The following FAAH2 variants were observed in gnomAD, a reference collection of about 807,000 sequenced individuals.
FAAH2 encodes fatty-acid amide hydrolase 2.
In FAAH2, 60 loss-of-function variants were observed where a neutral mutation model predicts 36.9. The observed-to-expected ratio is 1.63, with a 90% CI of 1.32 to 2.02. The LOEUF (loss-of-function observed/expected upper bound fraction) is 2.02, where lower values mean the gene tolerates loss of function less well. Among genes scored for constraint, FAAH2 ranks in the 30% most tolerant of loss-of-function variants. The probability of loss-of-function intolerance (pLI) is 0.00; values close to 1 mark genes in which losing one functional copy is unlikely to be tolerated. For synonymous variants in FAAH2, 214 were observed against 143.8 expected (o/e 1.49, Z -3.49); for missense variants, 689 against 397.5 (o/e 1.73, Z -6.23).
At chrX:57,352,268 G>A (rs2054044129) in intron 5 of FAAH2, among the ~76,000 whole-genome samples, 1 of 103,395 alleles carries the variant, frequency 9.7e-6, no homozygotes, top group African/African-American at 3.5e-5. Flanking sequence ...CACATACTAT[G>A]ATTAAGTGGG....
chrX:57,378,748 C>A lies in FAAH2; in HGVS notation c.840C>A (p.Ala280=). The part of the protein sequence containing the change: ...GPMCRYAEDL[A]PMLKVMAGPG... Reference sequence around the variant, plus strand: ...TGTGCCGTTATGCTGAAGACCTGGCCCCCATGTTGAAGGTCATGGCAGGAC... The same window carrying A: ...TGTGCCGTTATGCTGAAGACCTGGCACCCATGTTGAAGGTCATGGCAGGAC... The change falls in exon 6 of 11, where the codon GCC becomes GCA. Residue 280 remains alanine, a synonymous_variant. Coordinates refer to ENST00000374900, the MANE Select transcript of FAAH2 (RefSeq NM_174912.4). The A allele has an allele frequency of 8.3e-7, 1 of 1,210,260 alleles. No individual in the cohort carries two copies. Among genetic ancestry groups the A allele is most frequent in the Non-Finnish European group, 1.1e-6 (1 of 894,821 alleles).
chrX:57,158,726 T>C, the FAAH2 span, among the ~76,000 whole-genome samples: 2 of 112,156 alleles, frequency 1.8e-5, no homozygotes, highest in Non-Finnish European at 3.8e-5. Flanking sequence ...TTGAGTTCAT[T>C]GTAGATTCTG....
chrX:57,317,422 G>A (rs1401957781), intron 3 of FAAH2, among the ~76,000 whole-genome samples: 2 of 111,730 alleles, frequency 1.8e-5, no homozygotes, highest in South Asian at 3.7e-4. Flanking sequence ...GACAAAGAAG[G>A]GCATTACATA....
chrX:57,361,944 C>A (rs973200028), intron 5 of FAAH2, among the ~76,000 whole-genome samples: 1 of 110,955 alleles, frequency 9.0e-6, no homozygotes, highest in Non-Finnish European at 1.9e-5. Flanking sequence ...TTTTTTCCTT[C>A]ATTATTTTGA....
chrX:57,447,211 G>A (rs901255918), intron 9 of FAAH2, among the ~76,000 whole-genome samples, 172 bp downstream of exon 9: 10 of 111,935 alleles, frequency 8.9e-5, no homozygotes, highest in Non-Finnish European at 1.5e-4. Context: ...TCCAGGTCAC[G>A]CTGATGCAAG....
the FAAH2 span, among the ~76,000 whole-genome samples, chrX:57,217,990 T>A: frequency 9.0e-6 from 1 of 111,661 alleles, no homozygotes; most frequent in East Asian, 2.8e-4. Context: ...TTGATTTGAT[T>A]CTCCACTTGG....
chrX:57,137,028 C>A, the FAAH2 span: 6 of 834,619 alleles, frequency 7.2e-6, no homozygotes, highest in Non-Finnish European at 8.8e-6. Context: ...TACCTACCTC[C>A]CTTGCTTCCT....
intron 7 of FAAH2, among the ~76,000 whole-genome samples, chrX:57,404,672 G>T (rs1215550375): frequency 9.0e-6 from 1 of 111,541 alleles, no homozygotes. Flanking sequence ...ACAACCTGCT[G>T]TAATACTTGG....
Position 57,401,334 on chromosome X carries a change from G to T in FAAH2, c.996+20305G>T, listed in dbSNP as rs993129386. Among the ~76,000 whole-genome samples the T allele has an allele frequency of 1.2e-4, 13 of 111,203 alleles. 1 individual carries two copies. Among genetic ancestry groups the T allele is most frequent in the Admixed American group, 1.0e-3 (11 of 10,483 alleles). On this transcript the variant is annotated intron_variant, in intron 7 of 10. Coordinates refer to ENST00000374900, the MANE Select transcript of FAAH2 (RefSeq NM_174912.4). ...AGGTAAAACAGTCCAGGTGAGTTGA[G>T]ACATTGGGTTTGAAGGATCTTCAAA...
chrX:57,460,713 A>T (rs1311255249), intron 10 of FAAH2, among the ~76,000 whole-genome samples: 2 of 111,859 alleles, frequency 1.8e-5, no homozygotes, highest in East Asian at 2.8e-4. Flanking sequence ...AAATATAAAG[A>T]CCAATGACAC....
intron 10 of FAAH2, among the ~76,000 whole-genome samples, chrX:57,456,007 C>A (rs1050851847): frequency 9.0e-6 from 1 of 111,670 alleles, no homozygotes; most frequent in African/African-American, 3.2e-5. Context: ...ATATATTTTT[C>A]TCATCCATAC....
the FAAH2 span, among the ~76,000 whole-genome samples, chrX:57,257,257 G>A: frequency 1.8e-5 from 2 of 111,843 alleles, no homozygotes; most frequent in Non-Finnish European, 3.8e-5. Flanking sequence ...TTTTATTGTG[G>A]TACTATTCAG....
chrX:57,156,157 GTTA>G, the FAAH2 span, among the ~76,000 whole-genome samples: 2 of 111,815 alleles, frequency 1.8e-5, no homozygotes, highest in Non-Finnish European at 3.8e-5. Context: ...GATCAACTCT[GTTA>G]TTGACACACA....
chrX:57,454,042 C>G (rs1158045012), intron 10 of FAAH2, among the ~76,000 whole-genome samples: 1 of 111,105 alleles, frequency 9.0e-6, no homozygotes, highest in Non-Finnish European at 1.9e-5. Flanking sequence ...AGCCCAGGAG[C>G]CATCTAGGTG....
At position 57,385,168 on chromosome X, in the gene FAAH2, A is replaced by G. The variant is rs749753585; in HGVS notation, c.996+4139A>G. 2.1e-4 allele frequency among the ~76,000 whole-genome samples: 23 copies of G among 109,354 alleles called. No individual in the cohort carries two copies. In the East Asian group the frequency reaches 6.4e-3, roughly 30 times the overall value. 95.0% of individuals were successfully genotyped at this position (109,354 alleles called of 115,157 possible). ...GTGGGGAAGGATAGCATTAGGAGAT[A>G]TACCTAATGTGAATGATGAGTTAAT... On this transcript the variant is annotated intron_variant, in intron 7 of 10. Transcript: ENST00000374900.
chrX:57,322,506 G>A (rs1052920222), intron 3 of FAAH2, among the ~76,000 whole-genome samples: 1 of 111,251 alleles, frequency 9.0e-6, no homozygotes, highest in Non-Finnish European at 1.9e-5. Context: ...AGCATTTTGC[G>A]TGGGTTCTAA....
chrX:57,380,716 C>A (rs1268388233), intron 6 of FAAH2, among the ~76,000 whole-genome samples, 196 bp from the exon 7 acceptor site: 1 of 112,046 alleles, frequency 8.9e-6, no homozygotes, highest in Non-Finnish European at 1.9e-5. Context: ...TGATGCATTT[C>A]AAACCATTCT....
chrX:57,304,695 T>C (rs1056606075), intron 2 of FAAH2, among the ~76,000 whole-genome samples: 4 of 111,813 alleles, frequency 3.6e-5, no homozygotes, highest in Non-Finnish European at 7.5e-5. Flanking sequence ...GTTATATTTA[T>C]AAAGGGAAAA....
intron 2 of FAAH2, among the ~76,000 whole-genome samples, chrX:57,306,992 C>CATATATATATATATATAT (rs1569245607): frequency 1.2e-4 from 1 of 8,036 alleles, no homozygotes; most frequent in African/African-American, 1.4e-4. Flanking sequence ...CACACACACA[C>CATATATATATATATATAT]AGATACATAT....
Sources: gnomAD v4.1 joint callset for allele counts (sites outside exome capture counted in the v4.1 genomes callset) on GRCh38, gnomAD v4.1.1 for gene constraint, MANE v1.5 for transcripts, NCBI Gene and HGNC (gene_info 2026-07-23, HGNC 2026-07-21) for gene names.